NAV3: variants seen among roughly 807,000 people sequenced by gnomAD.
NAV3 encodes neuron navigator 3.
A neutral mutation model predicts 244.7 loss-of-function variants in NAV3; 87 were observed. That is an observed-to-expected ratio of 0.36 (90% CI 0.30 to 0.42). The LOEUF (loss-of-function observed/expected upper bound fraction) is 0.42, where lower values mean the gene tolerates loss of function less well. NAV3 is among the 20% of genes least tolerant of loss of function. The pLI, the probability that NAV3 is intolerant of heterozygous loss-of-function variation, is 1.00. For synonymous variants in NAV3, 1,126 were observed against 1,042.2 expected (o/e 1.08, Z -1.55); for missense variants, 2,663 against 2,893.3 (o/e 0.92, Z 1.83).
chr12:77,648,867 A>G (rs1371195532), intron 2 of NAV3, among the ~76,000 whole-genome samples: 2 of 152,056 alleles, frequency 1.3e-5, no homozygotes, highest in African/African-American at 4.8e-5. Flanking sequence ...CTGATTAGAA[A>G]TGCTCTGATT....
chr12:78,069,596 T>A (rs1952649163), intron 12 of NAV3, among the ~76,000 whole-genome samples: 2 of 152,058 alleles, frequency 1.3e-5, no homozygotes, highest in Admixed American at 1.3e-4. Flanking sequence ...GTCCTTCTGT[T>A]ATGTGGAATA....
intron 39 of NAV3, 78 bp downstream of exon 39, chr12:78,205,216 G>A (rs1385439244): frequency 2.1e-5 from 29 of 1,399,040 alleles, no homozygotes; most frequent in East Asian, 9.8e-5. Flanking sequence ...TATTTCTAGC[G>A]AAGACATTTG....
chr12:77,741,588 C>A (rs767916926), intron 2 of NAV3, among the ~76,000 whole-genome samples: 5 of 152,078 alleles, frequency 3.3e-5, no homozygotes, highest in Non-Finnish European at 7.4e-5. Context: ...CATTACTCAA[C>A]CACATGGAGT....
At chr12:78,098,547 G>A (rs547832057) in intron 12 of NAV3, among the ~76,000 whole-genome samples, 10 of 151,876 alleles carry the variant, frequency 6.6e-5, no homozygotes, top group African/African-American at 2.4e-4. Flanking sequence ...TATAAAAGAA[G>A]GAAGAGGAGG....
chr12:77,988,223 A>G (rs1434590459), intron 5 of NAV3, among the ~76,000 whole-genome samples: 1 of 152,188 alleles, frequency 6.6e-6, no homozygotes, highest in South Asian at 2.1e-4. Flanking sequence ...CTGAGGTTCT[A>G]TATTTCTAAC....
At chr12:78,029,008 A>G (rs1349899028) in intron 9 of NAV3, among the ~76,000 whole-genome samples, 2 of 152,124 alleles carry the variant, frequency 1.3e-5, no homozygotes, top group African/African-American at 4.8e-5. Context: ...GAAGGATGTC[A>G]TATATGCTGT....
intron 2 of NAV3, among the ~76,000 whole-genome samples, chr12:77,726,202 G>C (rs2137318966): frequency 6.6e-6 from 1 of 151,930 alleles, no homozygotes; most frequent in South Asian, 2.1e-4. Flanking sequence ...GAAATACTAT[G>C]TGTGTAATTT....
chr12:77,741,327 T>C (rs1040378751), intron 2 of NAV3, among the ~76,000 whole-genome samples: 3 of 152,104 alleles, frequency 2.0e-5, no homozygotes, highest in Non-Finnish European at 4.4e-5. Flanking sequence ...CATGTTATTA[T>C]TATAAATATG....
chr12:77,953,165 A>T (rs573602294), intron 3 of NAV3, among the ~76,000 whole-genome samples: 1 of 152,268 alleles, frequency 6.6e-6, no homozygotes, highest in South Asian at 2.1e-4. Context: ...CGATGCTCAT[A>T]ATTCTCCAAT....
chr12:77,723,469 T>G (rs1194624014), intron 2 of NAV3, among the ~76,000 whole-genome samples: 1 of 152,074 alleles, frequency 6.6e-6, no homozygotes, highest in East Asian at 1.9e-4. Context: ...AGTCAAGCTA[T>G]GTGAACAGCA....
chr12:77,741,238 GA>G (rs1172377964), intron 2 of NAV3, among the ~76,000 whole-genome samples: 4 of 147,468 alleles, frequency 2.7e-5, no homozygotes, highest in Admixed American at 6.8e-5. Context: ...AGGAGAAACC[GA>G]AAAAAAAGAG....
chr12:78,050,656 G>A (rs1210475111), intron 10 of NAV3, 108 bp from the exon 11 acceptor site: 14 of 1,123,468 alleles, frequency 1.2e-5, no homozygotes, highest in African/African-American at 3.1e-5. Flanking sequence ...GGAAGATGAC[G>A]TGTTTATAAG....
chr12:77,715,980 A>G (rs1185970565), intron 2 of NAV3, among the ~76,000 whole-genome samples: 1 of 152,046 alleles, frequency 6.6e-6, no homozygotes, highest in East Asian at 1.9e-4. Context: ...CATTATCAAG[A>G]TTTAAAGGCA....
intron 3 of NAV3, among the ~76,000 whole-genome samples, chr12:77,953,293 G>C (rs184056874): frequency 2.2e-3 from 336 of 152,180 alleles, no homozygotes; most frequent in African/African-American, 7.4e-3. Flanking sequence ...ACACAACTCT[G>C]TTCTAGCATA....
At chr12:78,086,079 C>T (rs1385783259) in intron 12 of NAV3, among the ~76,000 whole-genome samples, 1 of 152,020 alleles carries the variant, frequency 6.6e-6, no homozygotes, top group Non-Finnish European at 1.5e-5. Flanking sequence ...AAGCTTGTAT[C>T]CTTTTCTACA....
chr12:77,726,254 G>A (rs544483101), intron 2 of NAV3, among the ~76,000 whole-genome samples: 18 of 151,962 alleles, frequency 1.2e-4, no homozygotes, highest in East Asian at 3.9e-4. Context: ...GGATTTTCTC[G>A]TGTTAGTGCT....
chr12:77,714,419 A>G (rs937552200), intron 2 of NAV3, among the ~76,000 whole-genome samples: 2 of 151,972 alleles, frequency 1.3e-5, no homozygotes, highest in African/African-American at 4.8e-5. Context: ...AGGTTAATAG[A>G]TCTGGTTCCT....
At chr12:77,749,339 GC>G (rs1163291099) in intron 2 of NAV3, among the ~76,000 whole-genome samples, 1 of 152,186 alleles carries the variant, frequency 6.6e-6, no homozygotes, top group Non-Finnish European at 1.5e-5. Flanking sequence ...GTAGGGTTCA[GC>G]CCTGTAATGG....
chr12:78,102,249 T>G (rs566952563), intron 12 of NAV3, among the ~76,000 whole-genome samples: 1 of 152,254 alleles, frequency 6.6e-6, no homozygotes, highest in South Asian at 2.1e-4. Flanking sequence ...TGGGAGAAAT[T>G]GGCCAAAATT....
Sources: gnomAD v4.1 joint callset for allele counts (sites outside exome capture counted in the v4.1 genomes callset) on GRCh38, gnomAD v4.1.1 for gene constraint, MANE v1.5 for transcripts, NCBI Gene and HGNC (gene_info 2026-07-23, HGNC 2026-07-21) for gene names.